The following RFC3 variants were observed in gnomAD, a reference collection of about 807,000 sequenced individuals.
RFC3 encodes the protein A1 38 kDa subunit.
In RFC3, 41 loss-of-function variants were observed where a neutral mutation model predicts 45.1. That is an observed-to-expected ratio of 0.91 (90% CI 0.71 to 1.18). RFC3 has a LOEUF of 1.18. Among genes scored for constraint, RFC3 ranks in the 50% most tolerant of loss-of-function variants. The pLI is 0.00. For missense variants in RFC3, 423 were observed against 428.1 expected (o/e 0.99, Z 0.10); for synonymous variants, 149 against 144.0 (o/e 1.03, Z -0.25).
intron 8 of RFC3, among the ~76,000 whole-genome samples, chr13:33,910,958 A>G (rs2082700652): frequency 6.6e-6 from 1 of 151,928 alleles, no homozygotes; most frequent in Non-Finnish European, 1.5e-5. Flanking sequence ...GCAGCACGAA[A>G]GGGGGAAATC....
At chr13:33,892,045 A>G (rs894911997) in intron 8 of RFC3, among the ~76,000 whole-genome samples, 11 of 152,182 alleles carry the variant, frequency 7.2e-5, no homozygotes, top group Admixed American at 3.3e-4. Flanking sequence ...CAAAATAACC[A>G]AACAATTTGG....
chr13:33,964,901 CAA>C (rs1323386694), intron 8 of RFC3, among the ~76,000 whole-genome samples: 4 of 152,150 alleles, frequency 2.6e-5, no homozygotes, highest in Admixed American at 6.5e-5. Flanking sequence ...TTAAGAAACA[CAA>C]AGAGGACAGA....
Position 33,818,318 on chromosome 13 carries a change from G to A in RFC3, c.87+53G>A, listed in dbSNP as rs1034708309. 4.0e-6 allele frequency: 6 copies of A among 1,487,728 alleles called. 1 individual carries two copies. 92.2% of individuals were successfully genotyped at this position (1,487,728 alleles called of 1,614,324 possible). ...GAGAGGGGAGGCCCCCCGGCTCGGG[G>A]TTTCGCGCCCCCCTGAGGAGCAGTG... On this transcript the variant is annotated intron_variant, in intron 1 of 8. Coordinates refer to ENST00000380071, the MANE Select transcript of RFC3 (RefSeq NM_002915.4).
At chr13:33,824,417 T>C (rs571060385) in intron 3 of RFC3, among the ~76,000 whole-genome samples, 6 of 152,302 alleles carry the variant, frequency 3.9e-5, no homozygotes, top group Admixed American at 3.9e-4. Flanking sequence ...ATTATAATAG[T>C]TCACCAACCA....
chr13:33,848,493 C>G (rs1314580596), intron 8 of RFC3: 5 of 152,246 alleles, frequency 3.3e-5, no homozygotes, highest in African/African-American at 9.6e-5. Flanking sequence ...ACAAATTCAC[C>G]AGCATCTGTT....
Position 33,837,241 on chromosome 13 carries a change from C to G in RFC3, c.*946C>G, listed in dbSNP as rs1157067431. ...TGCAGTCAGTTCATCCCTACCCTGG[C>G]CCAGATGATCACTGATCTTGTCATT... On this transcript the variant is annotated 3_prime_UTR_variant, in exon 9 of 9. Transcript: ENST00000380071. The G allele has an allele frequency of 6.4e-6, 1 of 156,952 alleles. No homozygotes were observed. The highest frequency in any genetic ancestry group is 2.4e-5 in the African/African-American group (1 of 41,478). 9.7% of individuals were successfully genotyped at this position (156,952 alleles called of 1,614,324 possible).
intron 8 of RFC3, among the ~76,000 whole-genome samples, chr13:33,908,963 T>C (rs1338455009): frequency 3.3e-5 from 5 of 152,086 alleles, no homozygotes; most frequent in Non-Finnish European, 1.5e-5. Flanking sequence ...CTTCAACTAA[T>C]TGAGGCCCAC....
chr13:33,838,361 G>A (rs1032921025), downstream of RFC3, among the ~76,000 whole-genome samples: 77 of 152,018 alleles, frequency 5.1e-4, no homozygotes, highest in African/African-American at 1.8e-3. Flanking sequence ...TATAGCGTAC[G>A]TCTGCTAACA....
chr13:33,942,150 G>A (rs2082928446), intron 8 of RFC3, among the ~76,000 whole-genome samples: 1 of 151,772 alleles, frequency 6.6e-6, no homozygotes, highest in Non-Finnish European at 1.5e-5. Context: ...TAAATCTAAT[G>A]CCTGCATCAC....
intron 8 of RFC3, among the ~76,000 whole-genome samples, chr13:33,906,547 CTGTT>C (rs2082672983): frequency 1.3e-5 from 2 of 152,144 alleles, no homozygotes; most frequent in African/African-American, 2.4e-5. Context: ...ATCTTGCAGT[CTGTT>C]TAACTGTTGA....
intron 8 of RFC3, among the ~76,000 whole-genome samples, chr13:33,856,155 G>A (rs1450015488): frequency 6.6e-6 from 1 of 152,138 alleles, no homozygotes; most frequent in Admixed American, 6.6e-5. Context: ...TATGGTATAA[G>A]GAAGTAAAAC....
At chr13:33,946,112 A>G (rs2082952820) in intron 8 of RFC3, among the ~76,000 whole-genome samples, 1 of 152,204 alleles carries the variant, frequency 6.6e-6, no homozygotes, top group Non-Finnish European at 1.5e-5. Flanking sequence ...AAAATGGCCA[A>G]TAGGAGAATC....
chr13:33,845,870 A>G (rs1566392221), intron 8 of RFC3, among the ~76,000 whole-genome samples: 1 of 152,278 alleles, frequency 6.6e-6, no homozygotes, highest in East Asian at 1.9e-4. Context: ...AGAGTTAGGT[A>G]TTTATTGTAG....
chr13:33,915,396 C>T (rs933747529), intron 8 of RFC3, among the ~76,000 whole-genome samples: 36 of 152,134 alleles, frequency 2.4e-4, no homozygotes, highest in Admixed American at 1.4e-3. Flanking sequence ...TAAACTCCAA[C>T]CTTGTTCAGT....
At chr13:33,956,450 A>G in intron 8 of RFC3, among the ~76,000 whole-genome samples, 1 of 152,252 alleles carries the variant, frequency 6.6e-6, no homozygotes, top group Non-Finnish European at 1.5e-5. Context: ...CATCTCAGGA[A>G]TACTGAAGCC....
At chr13:33,872,583 A>G (rs2082417672) in intron 8 of RFC3, among the ~76,000 whole-genome samples, 1 of 152,096 alleles carries the variant, frequency 6.6e-6, no homozygotes, top group Non-Finnish European at 1.5e-5. Context: ...AAAATACAAA[A>G]TTAGCCGGGC....
At chr13:33,902,675 C>T (rs1282481411) in intron 8 of RFC3, among the ~76,000 whole-genome samples, 2 of 152,132 alleles carry the variant, frequency 1.3e-5, no homozygotes, top group East Asian at 3.9e-4. Context: ...GACACTCTTC[C>T]CCGTCCAAGC....
intron 8 of RFC3, among the ~76,000 whole-genome samples, chr13:33,863,478 A>C (rs1380122854): frequency 6.6e-6 from 1 of 152,168 alleles, no homozygotes; most frequent in East Asian, 1.9e-4. Context: ...GTGGAGCCAT[A>C]TGTTCTGTGG....
chr13:33,918,567 G>T (rs1290570167), intron 8 of RFC3, among the ~76,000 whole-genome samples: 1 of 152,162 alleles, frequency 6.6e-6, no homozygotes, highest in Non-Finnish European at 1.5e-5. Context: ...ACATAGAAAT[G>T]TTGCTGCCTC....
Sources: allele counts gnomAD v4.1 joint callset (sites outside exome capture counted in the v4.1 genomes callset), GRCh38; gene constraint gnomAD v4.1.1; transcripts MANE v1.5; gene names NCBI Gene and HGNC (gene_info 2026-07-23, HGNC 2026-07-21).